Variants in SLC8A1 observed in about 807,000 individuals in gnomAD.
The protein encoded by SLC8A1 is solute carrier family 8 member A1, also known as sodium/calcium exchanger 1.
A neutral mutation model predicts 68.3 loss-of-function variants in SLC8A1; 18 were observed. The ratio of observed to expected loss-of-function variants is 0.26; its 90% CI spans 0.18 to 0.39. The LOEUF (loss-of-function observed/expected upper bound fraction) is 0.39, where lower values mean the gene tolerates loss of function less well. SLC8A1 is among the 10% of genes least tolerant of loss of function. The pLI is 1.00. For missense variants in SLC8A1, 985 were observed against 1,156.7 expected (o/e 0.85, Z 2.15); for synonymous variants, 475 against 415.5 (o/e 1.14, Z -1.74).
intron 2 of SLC8A1, among the ~76,000 whole-genome samples, chr2:40,288,659 G>A (rs1330330814): frequency 6.6e-6 from 1 of 151,824 alleles, no homozygotes; most frequent in African/African-American, 2.4e-5. Flanking sequence ...GAAATCATCC[G>A]CATAGTATTT....
At chr2:40,303,807 T>C (rs2072025203) in intron 2 of SLC8A1, among the ~76,000 whole-genome samples, 2 of 152,208 alleles carry the variant, frequency 1.3e-5, no homozygotes, top group Non-Finnish European at 2.9e-5. Flanking sequence ...AGGTCTGAGA[T>C]AAGCCTGAGA....
intron 2 of SLC8A1, among the ~76,000 whole-genome samples, chr2:40,346,408 T>TA (rs1669323646): frequency 1.3e-5 from 2 of 152,116 alleles, no homozygotes; most frequent in Non-Finnish European, 2.9e-5. Flanking sequence ...TGCTAGGGCG[T>TA]TTACCTCATA....
At position 40,151,660 on chromosome 2, in the gene SLC8A1, C is replaced by T. The variant is rs185026273; in HGVS notation, c.2161+9105G>A. On this transcript the variant is annotated intron_variant, in intron 6 of 7. Transcript: ENST00000406785. ...ACCTGAGTTGACTGAATTTTGAACA[C>T]GTAGATTAAAAAAAGACTGTGCTTT... 1.4e-3 allele frequency among the ~76,000 whole-genome samples: 211 copies of T among 151,988 alleles called. 1 individual carries two copies. Among genetic ancestry groups the T allele is most frequent in the Non-Finnish European group, 2.3e-3 (153 of 67,978 alleles).
At chr2:40,266,992 C>T (rs1416345269) in intron 2 of SLC8A1, among the ~76,000 whole-genome samples, 1 of 152,136 alleles carries the variant, frequency 6.6e-6, no homozygotes, top group African/African-American at 2.4e-5. Flanking sequence ...GGGGTGAGGG[C>T]TTTCCCTCCT....
At chr2:40,279,231 A>G (rs2067178278) in intron 2 of SLC8A1, among the ~76,000 whole-genome samples, 2 of 152,330 alleles carry the variant, frequency 1.3e-5, no homozygotes, top group African/African-American at 4.8e-5. Context: ...TTCACTTTAG[A>G]CAGCTTTGCC....
chr2:40,426,202 T>C (rs1217089650), intron 2 of SLC8A1, among the ~76,000 whole-genome samples: 2 of 152,014 alleles, frequency 1.3e-5, no homozygotes, highest in African/African-American at 4.8e-5. Flanking sequence ...ATAAGTTAAA[T>C]GCTTTGCCAT....
chr2:40,327,971 G>A (rs1262040708), intron 2 of SLC8A1, among the ~76,000 whole-genome samples: 1 of 149,762 alleles, frequency 6.7e-6, no homozygotes, highest in African/African-American at 2.5e-5. Context: ...AAAAAATACA[G>A]TATTTGCCCT....
intron 3 of SLC8A1, 134 bp from the exon 5 acceptor site, chr2:40,174,976 A>G (rs1262797801): frequency 9.4e-6 from 8 of 848,272 alleles, no homozygotes; most frequent in South Asian, 8.1e-5. Context: ...GACTAGGAAA[A>G]TGTTCATGAC....
At chr2:40,443,976 C>T (rs1037796291) in intron 1 of SLC8A1, among the ~76,000 whole-genome samples, 5 of 152,150 alleles carry the variant, frequency 3.3e-5, no homozygotes, top group African/African-American at 4.8e-5. Context: ...TGATGGTTAT[C>T]TTCCATGACC....
At position 40,178,264 on chromosome 2, in the gene SLC8A1, G is replaced by T. The variant is rs143422201; in HGVS notation, c.1809-409C>A. 482 of 772,560 alleles carry T rather than the reference G, an allele frequency of 6.2e-4. 1 individual carries two copies. In the African/African-American group the frequency reaches 7.5e-3, roughly 12 times the overall value. The allele number at this position is 772,560 out of a possible 1,614,324, so 47.9% of individuals were successfully genotyped here. A position where few individuals can be genotyped will look rare whatever the true frequency, so the allele number is the denominator to read the frequency against. On this transcript the variant is annotated intron_variant, in intron 2 of 7. Coordinates refer to ENST00000406785, the Ensembl canonical transcript of SLC8A1. ...CCTACTGTGGCTCAGCATGAGATCTGTGCCCTGTTACATAGGTGGAGGGAT... is the reference window on the plus strand; with the variant it reads ...CCTACTGTGGCTCAGCATGAGATCTTTGCCCTGTTACATAGGTGGAGGGAT...
intron 1 of SLC8A1, among the ~76,000 whole-genome samples, chr2:40,493,583 G>C (rs1417821002): frequency 2.0e-5 from 3 of 150,910 alleles, no homozygotes; most frequent in African/African-American, 2.4e-5. Flanking sequence ...CACAAAACTT[G>C]GGAGTTGGGA....
intron 2 of SLC8A1, among the ~76,000 whole-genome samples, chr2:40,289,346 C>T (rs1034031099): frequency 6.6e-6 from 1 of 151,892 alleles, no homozygotes; most frequent in Non-Finnish European, 1.5e-5. Context: ...GGGAAAAAAT[C>T]CAACTTCTCT....
chr2:40,279,046 T>C (rs1279656155), intron 2 of SLC8A1, among the ~76,000 whole-genome samples: 1 of 152,176 alleles, frequency 6.6e-6, no homozygotes, highest in African/African-American at 2.4e-5. Flanking sequence ...GCCAAAACCC[T>C]GATTCAAGCC....
At chr2:40,477,061 T>C (rs1704336761) in intron 1 of SLC8A1, among the ~76,000 whole-genome samples, 1 of 152,204 alleles carries the variant, frequency 6.6e-6, no homozygotes, top group Admixed American at 6.5e-5. Flanking sequence ...ATTTTTCCTA[T>C]AGCAAACATA....
intron 2 of SLC8A1, among the ~76,000 whole-genome samples, chr2:40,391,742 C>A (rs996494045): frequency 6.6e-6 from 1 of 151,946 alleles, no homozygotes; most frequent in Non-Finnish European, 1.5e-5. Context: ...TTAGGGGGCA[C>A]TGAAACCAAA....
At chr2:40,408,914 A>C (rs534687263) in intron 2 of SLC8A1, among the ~76,000 whole-genome samples, 1 of 152,198 alleles carries the variant, frequency 6.6e-6, no homozygotes, top group Non-Finnish European at 1.5e-5. Flanking sequence ...AACCATAGAA[A>C]AATGGAACAA....
chr2:40,290,075 G>T (rs1272033528), intron 2 of SLC8A1, among the ~76,000 whole-genome samples: 2 of 151,978 alleles, frequency 1.3e-5, no homozygotes, highest in Non-Finnish European at 2.9e-5. Context: ...ATTTGGCAGG[G>T]AAAGGAAGGA....
intron 2 of SLC8A1, among the ~76,000 whole-genome samples, chr2:40,415,811 C>T (rs1693641750): frequency 6.7e-6 from 1 of 149,298 alleles, no homozygotes; most frequent in South Asian, 2.1e-4. Flanking sequence ...GTCCGGAGTT[C>T]AAGACCAGGG....
intron 2 of SLC8A1, among the ~76,000 whole-genome samples, chr2:40,358,048 GAAAAAAAAAAA>G (rs776231355): frequency 2.6e-5 from 2 of 77,706 alleles, no homozygotes; most frequent in East Asian, 4.1e-4. Context: ...GCAACTGAAG[GAAAAAAAAAAA>G]AAAAAAAAAA....
Sources: gnomAD v4.1 joint callset for allele counts (sites outside exome capture counted in the v4.1 genomes callset) on GRCh38, gnomAD v4.1.1 for gene constraint, MANE v1.5 for transcripts, NCBI Gene and HGNC (gene_info 2026-07-23, HGNC 2026-07-21) for gene names.